The following ERC1 variants were observed in gnomAD, a reference collection of about 807,000 sequenced individuals.
ERC1 encodes RAB6 interacting protein 2.
A neutral mutation model predicts 132.0 loss-of-function variants in ERC1; 56 were observed. The observed-to-expected ratio is 0.42, with a 90% confidence interval of 0.34 to 0.53. The LOEUF (loss-of-function observed/expected upper bound fraction) is 0.53, where lower values mean the gene tolerates loss of function less well. Among genes scored for constraint, ERC1 ranks in the 20% least tolerant of loss-of-function variants. The pLI, the probability that ERC1 is intolerant of heterozygous loss-of-function variation, is 0.03. For missense variants in ERC1, 1,202 were observed against 1,349.9 expected (o/e 0.89, Z 1.72); for synonymous variants, 478 against 476.1 (o/e 1.00, Z -0.05).
intron 17 of ERC1, among the ~76,000 whole-genome samples, chr12:1,428,076 T>C (rs1397670517): frequency 6.6e-6 from 1 of 152,206 alleles, no homozygotes; most frequent in Non-Finnish European, 1.5e-5. Flanking sequence ...CTGGAACATA[T>C]GCACTCAGAT....
chr12:1,126,256 A>T (rs923264600), intron 7 of ERC1, among the ~76,000 whole-genome samples: 8 of 152,234 alleles, frequency 5.3e-5, no homozygotes, highest in Admixed American at 3.9e-4. Context: ...ATACAGAGTC[A>T]TAAACCAAAC....
chr12:1,099,837 T>C (rs1343714809), intron 3 of ERC1, among the ~76,000 whole-genome samples: 2 of 1,898 alleles, frequency 1.1e-3, no homozygotes, highest in African/African-American at 2.5e-3. Context: ...AGACTTTGAT[T>C]TTTTTTTTTT....
At chr12:1,069,999 A>C (rs1281224890) in intron 2 of ERC1, among the ~76,000 whole-genome samples, 2 of 152,234 alleles carry the variant, frequency 1.3e-5, no homozygotes, top group African/African-American at 4.8e-5. Flanking sequence ...GAAGTTGCAG[A>C]GATAACCTTG....
At chr12:1,153,174 A>G (rs2154255518) in intron 8 of ERC1, 1 of 152,414 alleles carries the variant, frequency 6.6e-6, no homozygotes, top group East Asian at 1.9e-4. Flanking sequence ...GCAAACCACA[A>G]CAGAAAATCT....
intron 15 of ERC1, among the ~76,000 whole-genome samples, chr12:1,304,529 A>G (rs1184168450): frequency 6.6e-6 from 1 of 152,228 alleles, no homozygotes; most frequent in African/African-American, 2.4e-5. Flanking sequence ...GGCAAGATAC[A>G]TGAAAAACAG....
At chr12:1,197,623 G>A (rs1289284119) in intron 12 of ERC1, among the ~76,000 whole-genome samples, 1 of 152,182 alleles carries the variant, frequency 6.6e-6, no homozygotes, top group Non-Finnish European at 1.5e-5. Context: ...GCTTCTCTCA[G>A]TCTGGACTCA....
intron 15 of ERC1, among the ~76,000 whole-genome samples, chr12:1,330,096 G>A (rs61913084): frequency 0.018 from 2,710 of 152,272 alleles, 29 homozygotes; most frequent in Non-Finnish European, 0.025. Context: ...TATTTAACTA[G>A]GAAGTACAAG....
chr12:1,204,362 G>A, intron 12 of ERC1: 2 of 577,308 alleles, frequency 3.5e-6, no homozygotes, highest in Non-Finnish European at 6.1e-6. Context: ...TTTAGTGACT[G>A]TATAGAATTT....
At chr12:1,125,644 C>T (rs1043994055) in intron 7 of ERC1, among the ~76,000 whole-genome samples, 3 of 151,836 alleles carry the variant, frequency 2.0e-5, no homozygotes, top group Admixed American at 1.3e-4. Flanking sequence ...AGTGAAAACC[C>T]GTCTCTACTA....
At chr12:1,167,291 G>C (rs1392224580) in intron 8 of ERC1, among the ~76,000 whole-genome samples, 1 of 152,196 alleles carries the variant, frequency 6.6e-6, no homozygotes, top group Non-Finnish European at 1.5e-5. Flanking sequence ...TTTTAAAGCA[G>C]AGTCAATATT....
At chr12:1,053,871 A>G (rs1413536605) in intron 2 of ERC1, among the ~76,000 whole-genome samples, 1 of 152,212 alleles carries the variant, frequency 6.6e-6, no homozygotes, top group African/African-American at 2.4e-5. Context: ...TCAGTTTTCA[A>G]AAAGTCTGGG....
At chr12:1,327,458 ACTT>A (rs1395276481) in intron 15 of ERC1, among the ~76,000 whole-genome samples, 2 of 152,156 alleles carry the variant, frequency 1.3e-5, no homozygotes, top group South Asian at 2.1e-4. Flanking sequence ...TTCTGTGGGA[ACTT>A]CTTCACGTTG....
chr12:1,304,696 CTG>C (rs2080703732), intron 15 of ERC1, among the ~76,000 whole-genome samples: 1 of 146,558 alleles, frequency 6.8e-6, no homozygotes, highest in African/African-American at 2.5e-5. Flanking sequence ...AGGAGAACCT[CTG>C]TTATGCTTAT....
intron 12 of ERC1, among the ~76,000 whole-genome samples, chr12:1,226,890 T>C (rs1566309079): frequency 6.6e-6 from 1 of 152,218 alleles, no homozygotes; most frequent in East Asian, 1.9e-4. Context: ...TTGGCCAGGC[T>C]GGCCTCAAAC....
At chr12:1,141,469 C>A (rs774469399) in intron 7 of ERC1, 151 bp from the exon 8 acceptor site, 58 of 498,018 alleles carry the variant, frequency 1.2e-4, no homozygotes, top group Non-Finnish European at 1.8e-4. Context: ...GCACACTGGA[C>A]TCTGAATCCA....
At chr12:1,029,332 G>A (rs1967543980) in intron 2 of ERC1, among the ~76,000 whole-genome samples, 1 of 151,968 alleles carries the variant, frequency 6.6e-6, no homozygotes, top group Admixed American at 6.6e-5. Flanking sequence ...AGTCTGGAGT[G>A]AGACTCTGTC....
At chr12:1,264,501 A>G (rs2077352404) in intron 14 of ERC1, among the ~76,000 whole-genome samples, 1 of 152,048 alleles carries the variant, frequency 6.6e-6, no homozygotes, top group Non-Finnish European at 1.5e-5. Context: ...CGTCTCTACT[A>G]AAAATACAAA....
At chr12:1,023,099 T>C (rs1478496368) in intron 1 of ERC1, among the ~76,000 whole-genome samples, 1 of 152,188 alleles carries the variant, frequency 6.6e-6, no homozygotes, top group Non-Finnish European at 1.5e-5. Context: ...CCCAGTCTTA[T>C]GGGTAGTTCT....
chr12:1,173,247 A>G (rs2968870), intron 8 of ERC1, among the ~76,000 whole-genome samples: 2,924 of 152,252 alleles, frequency 0.019, 83 homozygotes, highest in African/African-American at 0.067. Context: ...TACACTACCT[A>G]GTGATTTTCC....
Sources: gnomAD v4.1 joint callset for allele counts (sites outside exome capture counted in the v4.1 genomes callset) on GRCh38, gnomAD v4.1.1 for gene constraint, MANE v1.5 for transcripts, NCBI Gene and HGNC (gene_info 2026-07-23, HGNC 2026-07-21) for gene names.